CADM1: variants seen among roughly 807,000 people sequenced by gnomAD.
CADM1 encodes the protein cell adhesion molecule 1, also known as TSLC-1.
In CADM1, 15 loss-of-function variants were observed where a neutral mutation model predicts 53.1. The ratio of observed to expected loss-of-function variants is 0.28; its 90% CI spans 0.19 to 0.44. CADM1 has a LOEUF of 0.44. CADM1 is among the 20% of genes least tolerant of loss of function. The pLI is 1.00. For synonymous variants in CADM1, 281 were observed against 243.0 expected (o/e 1.16, Z -1.45); for missense variants, 434 against 611.3 (o/e 0.71, Z 3.06).
At chr11:115,206,321 G>A (rs1269855475) in intron 8 of CADM1, among the ~76,000 whole-genome samples, 4 of 152,196 alleles carry the variant, frequency 2.6e-5, no homozygotes, top group Non-Finnish European at 4.4e-5. Flanking sequence ...ACATTTAGAT[G>A]TGTGCCTTCA....
chr11:115,221,432 AG>A (rs1941401934), intron 5 of CADM1, among the ~76,000 whole-genome samples: 1 of 152,226 alleles, frequency 6.6e-6, no homozygotes, highest in African/African-American at 2.4e-5. Context: ...GTCACACTAC[AG>A]TAGCAACCAA....
intron 7 of CADM1, among the ~76,000 whole-genome samples, chr11:115,210,177 T>A (rs1940893182): frequency 6.6e-6 from 1 of 152,244 alleles, no homozygotes; most frequent in East Asian, 1.9e-4. Flanking sequence ...ACTACTTCTC[T>A]ACTCATAATA....
At chr11:115,462,513 TCTG>T (rs1485322204) in intron 1 of CADM1, among the ~76,000 whole-genome samples, 6 of 152,052 alleles carry the variant, frequency 3.9e-5, no homozygotes, top group African/African-American at 1.4e-4. Flanking sequence ...ATCAGCGGCC[TCTG>T]CTGACAAGTG....
intron 10 of CADM1, chr11:115,190,570 C>T (rs1345558145): frequency 8.6e-6 from 2 of 231,914 alleles, no homozygotes; most frequent in East Asian, 1.7e-4. Context: ...AACAAAATTT[C>T]TCCCGACACA....
chr11:115,328,936 T>C (rs191980769), intron 1 of CADM1, among the ~76,000 whole-genome samples: 56 of 150,644 alleles, frequency 3.7e-4, no homozygotes, highest in Admixed American at 4.6e-4. Context: ...CTGTTTTCTA[T>C]ATTAACTTTT....
intron 1 of CADM1, among the ~76,000 whole-genome samples, chr11:115,318,091 A>G (rs1944721875): frequency 6.6e-6 from 1 of 152,114 alleles, no homozygotes; most frequent in Non-Finnish European, 1.5e-5. Flanking sequence ...ATTCACATTA[A>G]GTACCTAAAC....
chr11:115,348,691 C>T (rs577609210), intron 1 of CADM1, among the ~76,000 whole-genome samples: 18 of 152,254 alleles, frequency 1.2e-4, no homozygotes, highest in African/African-American at 3.4e-4. Context: ...GCCACTGAGA[C>T]GCAAGGCCCT....
At chr11:115,282,754 A>C (rs1943622262) in intron 1 of CADM1, among the ~76,000 whole-genome samples, 1 of 152,226 alleles carries the variant, frequency 6.6e-6, no homozygotes, top group South Asian at 2.1e-4. Context: ...TGGTCAAAGT[A>C]GCTGAGACAA....
intron 10 of CADM1, among the ~76,000 whole-genome samples, chr11:115,182,543 C>T (rs1034263630): frequency 6.6e-6 from 1 of 152,222 alleles, no homozygotes; most frequent in East Asian, 1.9e-4. Flanking sequence ...AATTATTTCA[C>T]ATGTGACCTC....
At chr11:115,327,855 C>T (rs951224311) in intron 1 of CADM1, among the ~76,000 whole-genome samples, 3 of 152,098 alleles carry the variant, frequency 2.0e-5, no homozygotes, top group Non-Finnish European at 4.4e-5. Context: ...TAAATGTTAG[C>T]GCTTGTCTGT....
intron 1 of CADM1, among the ~76,000 whole-genome samples, chr11:115,323,577 T>C (rs1029831553): frequency 6.6e-5 from 10 of 151,952 alleles, no homozygotes; most frequent in Non-Finnish European, 1.3e-4. Context: ...GCGGAAGAGG[T>C]TGAGTTACAG....
intron 1 of CADM1, among the ~76,000 whole-genome samples, chr11:115,371,796 G>T (rs1053409665): frequency 1.8e-5 from 2 of 110,546 alleles, no homozygotes; most frequent in African/African-American, 7.2e-5. Context: ...CTGCCACCAC[G>T]CCCAGCTAAT....
chr11:115,401,491 C>T (rs1226669388), intron 1 of CADM1, among the ~76,000 whole-genome samples: 1 of 152,112 alleles, frequency 6.6e-6, no homozygotes, highest in Non-Finnish European at 1.5e-5. Flanking sequence ...GCCTGTAGTC[C>T]CAGCTACACA....
Position 115,169,770 on chromosome 11 carries a change from T to C in CADM1, c.*6704A>G. On this transcript the variant is annotated 3_prime_UTR_variant, in exon 12 of 12. Transcript: ENST00000331581. ...GCTGTGTCTGGGCAAACAGCTTTTG[T>C]GGATTAGCTAGACTTGCACTTGCCA... The C allele has an allele frequency of 3.0e-6, 1 of 335,974 alleles. No homozygotes were observed. The highest frequency in any genetic ancestry group is 6.0e-6 in the Non-Finnish European group (1 of 167,036). 20.8% of individuals were successfully genotyped at this position (335,974 alleles called of 1,614,324 possible).
At chr11:115,401,150 T>C (rs1249573577) in intron 1 of CADM1, among the ~76,000 whole-genome samples, 7 of 152,014 alleles carry the variant, frequency 4.6e-5, no homozygotes, top group South Asian at 2.1e-4. Context: ...GACAATAGAA[T>C]AGTATTCAGC....
chr11:115,315,705 A>G (rs1287443453), intron 1 of CADM1, among the ~76,000 whole-genome samples: 2 of 152,118 alleles, frequency 1.3e-5, no homozygotes, highest in Non-Finnish European at 2.9e-5. Context: ...AACACCACCA[A>G]ACAAAACAAA....
At chr11:115,218,503 T>C (rs1339700656) in intron 5 of CADM1, among the ~76,000 whole-genome samples, 2 of 152,162 alleles carry the variant, frequency 1.3e-5, no homozygotes, top group Admixed American at 6.6e-5. Flanking sequence ...TTGGAAGCCC[T>C]CCCAGTGAAA....
At chr11:115,384,690 T>C (rs1475222721) in intron 1 of CADM1, among the ~76,000 whole-genome samples, 5 of 152,194 alleles carry the variant, frequency 3.3e-5, no homozygotes, top group Admixed American at 3.3e-4. Flanking sequence ...GGAAAGGCTG[T>C]GCAATTCACA....
In CADM1 at chr11:115,225,436, C is replaced by T. The variant is rs527818848; in HGVS notation, c.721+3677G>A. 4.6e-5 allele frequency among the ~76,000 whole-genome samples: 7 copies of T among 152,240 alleles called. No homozygotes were observed. In the South Asian group the frequency reaches 1.5e-3, roughly 32 times the overall value. The stretch of plus-strand genomic sequence containing the variant: ...TACATTGATGTTAATCACTTCAATG[C>T]ATACTACACAATTAATATCTGTACT... On this transcript the variant is annotated intron_variant, in intron 5 of 11. Transcript: ENST00000331581.
Sources: allele counts gnomAD v4.1 joint callset (sites outside exome capture counted in the v4.1 genomes callset), GRCh38; gene constraint gnomAD v4.1.1; transcripts MANE v1.5; gene names NCBI Gene and HGNC (gene_info 2026-07-23, HGNC 2026-07-21).